Variants in SYNE2 observed in about 807,000 individuals in gnomAD.
SYNE2 encodes the protein spectrin repeat containing nuclear envelope protein 2.
In SYNE2, 431 loss-of-function variants were observed where a neutral mutation model predicts 856.3. That is an observed-to-expected ratio of 0.50 (90% CI 0.47 to 0.55). The LOEUF (loss-of-function observed/expected upper bound fraction) is 0.55. Among genes scored for constraint, SYNE2 ranks in the 20% least tolerant of loss-of-function variants. SYNE2 has a pLI of 0.00. For synonymous variants in SYNE2, 2,923 were observed against 2,872.3 expected, an observed-to-expected ratio of 1.02 and a Z score of -0.56; for missense variants, 8,129 against 8,023.2, an observed-to-expected ratio of 1.01 and a Z score of -0.50.
upstream of SYNE2, among the ~76,000 whole-genome samples, chr14:63,848,822 G>A (rs1219688047): frequency 6.6e-6 from 1 of 152,156 alleles, no homozygotes; most frequent in Non-Finnish European, 1.5e-5. Flanking sequence ...AGTGCTCACT[G>A]CCCACCAGGC....
chr14:63,948,488 C>G (rs1469570903), intron 6 of SYNE2, among the ~76,000 whole-genome samples: 2 of 151,114 alleles, frequency 1.3e-5, no homozygotes, highest in African/African-American at 4.9e-5. Flanking sequence ...ATGGTGGAAC[C>G]CTGTCTCTAC....
intron 1 of SYNE2, among the ~76,000 whole-genome samples, chr14:63,827,277 CA>C (rs397960370): frequency 8.4e-4 from 108 of 128,904 alleles, no homozygotes; most frequent in Middle Eastern, 4.1e-3. Flanking sequence ...GACTCTGTCT[CA>C]AAAAAAAAAA....
chr14:64,156,910 T>A (rs532499491), intron 85 of SYNE2, among the ~76,000 whole-genome samples: 1 of 152,318 alleles, frequency 6.6e-6, no homozygotes, highest in African/African-American at 2.4e-5. Context: ...GGGGCAGAGA[T>A]TGAGGAGCCT....
chr14:63,886,728 C>T lies in SYNE2; in HGVS notation c.-51-22370C>T, dbSNP rs114354419. On this transcript the variant is annotated intron_variant, in intron 1 of 115. Transcript: ENST00000555002. ...AGGCTGGAGTGTGGTGGTCAAATCT[C>T]GGCTCTCTGCAACCTCTTCCTTCTG... 9.4e-3 allele frequency among the ~76,000 whole-genome samples: 1,430 copies of T among 152,164 alleles called. 21 individuals are homozygous for T. The highest frequency in any genetic ancestry group is 0.033 in the African/African-American group (1,352 of 41,506).
At chr14:64,086,279 C>T (rs1040474384) in intron 57 of SYNE2, among the ~76,000 whole-genome samples, 2 of 152,318 alleles carry the variant, frequency 1.3e-5, no homozygotes, top group African/African-American at 4.8e-5. Flanking sequence ...CATTAAATTA[C>T]TTCGGCACTT....
chr14:63,818,095 C>A (rs1419371998), intron 1 of SYNE2, among the ~76,000 whole-genome samples: 1 of 150,742 alleles, frequency 6.6e-6, no homozygotes, highest in Non-Finnish European at 1.5e-5. Flanking sequence ...CCTGTGATCC[C>A]AGCACTTTGG....
rs941173095 is a variant in SYNE2 at position 64,146,211 on chromosome 14, C to T, written c.15627C>T (p.Leu5209=). 6 of 1,609,558 alleles carry T rather than the reference C, an allele frequency of 3.7e-6. No homozygotes were observed. Among genetic ancestry groups the T allele is most frequent in the East Asian group, 2.2e-5 (1 of 44,614 alleles). ...PESVISVQKL[L]LDCQDIENQL... ...GTGTGATCTCAGTGCAGAAGCTGCTCCTGGACTGTCAGGTGAGGAGGGGAA... is the reference window on the plus strand; with the variant it reads ...GTGTGATCTCAGTGCAGAAGCTGCTTCTGGACTGTCAGGTGAGGAGGGGAA... Residue 5209 remains leucine (L), a synonymous_variant, in exon 84 of 116, where the codon CTC becomes CTT. Coordinates refer to ENST00000555002, the MANE Select transcript of SYNE2 (RefSeq NM_182914.3).
chr14:64,057,465 A>G (rs1386933723), intron 49 of SYNE2, among the ~76,000 whole-genome samples: 1 of 151,822 alleles, frequency 6.6e-6, no homozygotes, highest in Non-Finnish European at 1.5e-5. Flanking sequence ...ATTTTTTTTT[A>G]ATGGCTAAAT....
At chr14:64,180,500 T>G (rs1292524411) in intron 96 of SYNE2, among the ~76,000 whole-genome samples, 1 of 151,846 alleles carries the variant, frequency 6.6e-6, no homozygotes, top group Non-Finnish European at 1.5e-5. Flanking sequence ...ACTAATGGTT[T>G]ATAACTTTTT....
At chr14:64,142,774 G>A (rs145923592) in intron 82 of SYNE2, among the ~76,000 whole-genome samples, 1 of 152,298 alleles carries the variant, frequency 6.6e-6, no homozygotes, top group Non-Finnish European at 1.5e-5. Flanking sequence ...TTGAGTAAGA[G>A]AATGAGTAAG....
At position 63,774,209 on chromosome 14, in the gene SYNE2, C is replaced by T. The variant is rs549225466; in HGVS notation, c.-305+12223C>T. On this transcript the variant is annotated intron_variant, in intron 1 of 23. Coordinates refer to the SYNE2 transcript ENST00000674003. ...ATTGGGCAGGCGCAGTGGCTCACGCCTGTAATCCCAGCACTTTGGGAGGCT... is the reference window on the plus strand; with the variant it reads ...ATTGGGCAGGCGCAGTGGCTCACGCTTGTAATCCCAGCACTTTGGGAGGCT... Among the ~76,000 whole-genome samples the T allele has an allele frequency of 8.9e-4, 136 of 152,138 alleles. 1 individual carries two copies. Among genetic ancestry groups the T allele is most frequent in the African/African-American group, 3.2e-3 (133 of 41,536 alleles).
At chr14:63,944,517 CTTTTTTTTTT>C (rs1188374243) in intron 6 of SYNE2, among the ~76,000 whole-genome samples, 1 of 90,132 alleles carries the variant, frequency 1.1e-5, no homozygotes, top group Admixed American at 1.3e-4. Context: ...TAAAGCCTTT[CTTTTTTTTTT>C]TTTTTTTTTT....
At chr14:64,114,565 G>A (rs1314961873) in intron 66 of SYNE2, among the ~76,000 whole-genome samples, 2 of 151,782 alleles carry the variant, frequency 1.3e-5, no homozygotes, top group East Asian at 3.9e-4. Flanking sequence ...CCAGGAACCA[G>A]ACAGACAGGC....
intron 106 of SYNE2, 109 bp downstream of exon 106, chr14:64,214,579 C>T: frequency 8.8e-7 from 1 of 1,131,398 alleles, no homozygotes; most frequent in East Asian, 2.6e-5. Flanking sequence ...TTGTGGCCGA[C>T]CCTGACTTCT....
At chr14:63,922,985 TAG>T (rs1437078766) in intron 2 of SYNE2, among the ~76,000 whole-genome samples, 1 of 152,218 alleles carries the variant, frequency 6.6e-6, no homozygotes, top group Non-Finnish European at 1.5e-5. Context: ...GCTGCCCCAG[TAG>T]AAAGTGTTCA....
chr14:64,056,142 G>T lies in SYNE2; in HGVS notation c.9943G>T (p.Glu3315Ter). The change falls in exon 49 of 116, where the codon GAG (glutamate) becomes TAG (stop). Residue 3315 changes from glutamate (E) to a stop codon, truncating the protein, a stop_gained. Coordinates refer to ENST00000555002, the MANE Select transcript of SYNE2 (RefSeq NM_182914.3). LOFTEE classifies it high-confidence loss of function. ...STVAHIQDLT[E>*]KLGMISSPEA... The stretch of plus-strand genomic sequence containing the variant: ...AGTAGCACACATCCAGGACCTCACT[G>T]AGAAACTGGGAATGATATCCAGCCC... 6.2e-7 allele frequency: 1 copy of T among 1,614,136 alleles called. No individual in the cohort carries two copies. The highest frequency in any genetic ancestry group is 8.5e-7 in the Non-Finnish European group (1 of 1,180,020).
At chr14:63,829,422 CAAACAAACAAAAAA>C (rs1889584711) in intron 1 of SYNE2, among the ~76,000 whole-genome samples, 1 of 150,966 alleles carries the variant, frequency 6.6e-6, no homozygotes, top group Non-Finnish European at 1.5e-5. Context: ...GTGTCAAAAA[CAAACAAACAAAAAA>C]AAACAAAAAA....
chr14:64,032,780 T>A (rs891896690), intron 45 of SYNE2, among the ~76,000 whole-genome samples: 2 of 152,150 alleles, frequency 1.3e-5, no homozygotes, highest in South Asian at 4.1e-4. Context: ...TCTAATTTTT[T>A]AAAAAAGGTG....
In SYNE2 at chr14:64,214,296, C is replaced by A; in HGVS notation, c.19159C>A (p.Pro6387Thr). 6.2e-7 allele frequency: 1 copy of A among 1,614,106 alleles called. No homozygotes were observed. The highest frequency in any genetic ancestry group is 8.5e-7 in the Non-Finnish European group (1 of 1,180,008). ...GCGTAAACGGGGAGAGAGCGAGGAA[C>A]CGTCATCTCCTCAGTCCCTGTGTCA... ...SWRKRGESEE[P>T]SSPQSLCHLV... Residue 6387 changes from proline (P) to threonine (T), a missense_variant, in exon 106 of 116, where the codon CCG (proline) becomes ACG (threonine). Transcript: ENST00000555002.
Sources: allele counts gnomAD v4.1 joint callset (sites outside exome capture counted in the v4.1 genomes callset), GRCh38; gene constraint gnomAD v4.1.1; transcripts MANE v1.5; gene names NCBI Gene and HGNC (gene_info 2026-07-23, HGNC 2026-07-21).